Variants in TPRG1 observed in about 807,000 individuals in gnomAD.
TPRG1 encodes the protein tumor protein p63-regulated gene 1 protein.
A neutral mutation model predicts 29.3 loss-of-function variants in TPRG1; 29 were observed. The ratio of observed to expected loss-of-function variants is 0.99; its 90% CI spans 0.74 to 1.35. TPRG1 has a LOEUF of 1.35. Ranked by LOEUF, TPRG1 falls within the 40% of genes most tolerant of loss-of-function variation. The pLI is 0.00. For missense variants in TPRG1, 327 were observed against 335.0 expected (o/e 0.98, Z 0.19); for synonymous variants, 130 against 116.8 (o/e 1.11, Z -0.73).
At chr3:189,276,653 T>C (rs570215745) in intron 4 of TPRG1, among the ~76,000 whole-genome samples, 1 of 152,298 alleles carries the variant, frequency 6.6e-6, no homozygotes, top group Admixed American at 6.5e-5. Flanking sequence ...TAATAGATCA[T>C]GTGTATTAAT....
chr3:189,208,971 T>G (rs1734840969), intron 2 of TPRG1, among the ~76,000 whole-genome samples: 1 of 152,102 alleles, frequency 6.6e-6, no homozygotes, highest in Non-Finnish European at 1.5e-5. Context: ...TTGGCAGTTG[T>G]GAAGAGGAAA....
chr3:189,097,374 A>C (rs1718746608), upstream of TPRG1, among the ~76,000 whole-genome samples: 1 of 152,230 alleles, frequency 6.6e-6, no homozygotes, highest in Non-Finnish European at 1.5e-5. Flanking sequence ...TGAAATACCC[A>C]GGTTTAAATA....
intron 3 of TPRG1, among the ~76,000 whole-genome samples, chr3:189,135,693 T>C (rs1281077986): frequency 1.3e-5 from 2 of 152,244 alleles, no homozygotes; most frequent in East Asian, 3.8e-4. Flanking sequence ...AGGATACATT[T>C]CTCCAACTTA....
intron 5 of TPRG1, among the ~76,000 whole-genome samples, chr3:189,312,098 T>C: frequency 1.8e-5 from 1 of 56,962 alleles, no homozygotes; most frequent in African/African-American, 7.1e-5. Flanking sequence ...TCTTTCTTTG[T>C]TTCTTTGTTT....
intron 2 of TPRG1, among the ~76,000 whole-genome samples, chr3:189,129,486 C>T (rs1458482097): frequency 1.3e-5 from 2 of 152,052 alleles, no homozygotes; most frequent in Non-Finnish European, 2.9e-5. Flanking sequence ...TTGCTGTTTC[C>T]CCCTTTGTTA....
intron 2 of TPRG1, among the ~76,000 whole-genome samples, chr3:189,208,873 T>C (rs1734822917): frequency 6.6e-6 from 1 of 152,198 alleles, no homozygotes; most frequent in African/African-American, 2.4e-5. Context: ...TGCTGGGAGC[T>C]GATGCAATTA....
At chr3:189,003,535 C>G (rs1267088251) in intron 2 of TPRG1, among the ~76,000 whole-genome samples, 1 of 152,136 alleles carries the variant, frequency 6.6e-6, no homozygotes, top group Non-Finnish European at 1.5e-5. Context: ...CTTCAAAATT[C>G]TTGGAGACCT....
chr3:189,314,412 C>T (rs561576901), intron 5 of TPRG1, among the ~76,000 whole-genome samples: 12 of 152,272 alleles, frequency 7.9e-5, no homozygotes, highest in South Asian at 2.1e-4. Flanking sequence ...TTAAAGTTTA[C>T]GCTATGTCTA....
intron 4 of TPRG1, among the ~76,000 whole-genome samples, chr3:189,067,991 A>C (rs1011064205): frequency 3.3e-5 from 5 of 152,218 alleles, no homozygotes; most frequent in Non-Finnish European, 1.5e-5. Flanking sequence ...TAATAATCTG[A>C]TTAGAAAATG....
chr3:189,071,316 C>G (rs937288182), intron 4 of TPRG1, among the ~76,000 whole-genome samples: 5 of 152,128 alleles, frequency 3.3e-5, no homozygotes, highest in African/African-American at 1.2e-4. Context: ...TTTCCTTAAA[C>G]AACTTTTAGT....
intron 2 of TPRG1, among the ~76,000 whole-genome samples, chr3:189,129,843 A>G (rs888003836): frequency 1.3e-5 from 2 of 152,188 alleles, no homozygotes; most frequent in Non-Finnish European, 2.9e-5. Context: ...GAGTATGAAA[A>G]TAATTTTACT....
At chr3:189,210,255 A>G (rs1735060494) in intron 2 of TPRG1, among the ~76,000 whole-genome samples, 1 of 152,200 alleles carries the variant, frequency 6.6e-6, no homozygotes, top group Non-Finnish European at 1.5e-5. Context: ...AGAGTGCATA[A>G]CACATCTATC....
At chr3:189,119,765 GGCC>G (rs1316638296) in intron 1 of TPRG1, among the ~76,000 whole-genome samples, 7 of 152,156 alleles carry the variant, frequency 4.6e-5, no homozygotes, top group Non-Finnish European at 8.8e-5. Flanking sequence ...AGTTTCCTGA[GGCC>G]TCCCCAGCCA....
chr3:189,115,831 T>C (rs1721098852), intron 1 of TPRG1, among the ~76,000 whole-genome samples: 3 of 152,222 alleles, frequency 2.0e-5, no homozygotes, highest in Admixed American at 2.0e-4. Flanking sequence ...TCTTTTTCTC[T>C]GTGAGACTTC....
At chr3:189,310,653 A>G in intron 5 of TPRG1, 114 bp downstream of exon 5, 1 of 506,850 alleles carries the variant, frequency 2.0e-6, no homozygotes. Context: ...ATAAAATAAA[A>G]TAAAATAAAA....
At chr3:189,212,816 C>T (rs1004336810) in intron 2 of TPRG1, among the ~76,000 whole-genome samples, 2 of 152,108 alleles carry the variant, frequency 1.3e-5, no homozygotes, top group Non-Finnish European at 2.9e-5. Flanking sequence ...CTCATTACAT[C>T]GAGAAAAATT....
chr3:189,272,323 A>G (rs899506542), intron 4 of TPRG1, among the ~76,000 whole-genome samples: 2 of 152,166 alleles, frequency 1.3e-5, no homozygotes, highest in African/African-American at 2.4e-5. Flanking sequence ...CCTTGTAATC[A>G]GCAGAATTTT....
chr3:189,287,404 T>C (rs569430543), intron 4 of TPRG1, among the ~76,000 whole-genome samples: 82 of 151,094 alleles, frequency 5.4e-4, no homozygotes, highest in East Asian at 3.1e-3. Flanking sequence ...TTCTTTCTTT[T>C]TTTTTTTTTT....
intron 4 of TPRG1, among the ~76,000 whole-genome samples, chr3:189,149,562 GT>G (rs1401666778): frequency 6.6e-6 from 1 of 152,222 alleles, no homozygotes; most frequent in Non-Finnish European, 1.5e-5. Context: ...GGCAAAGACT[GT>G]TTTGTTTCAG....
Sources: allele counts gnomAD v4.1 joint callset (sites outside exome capture counted in the v4.1 genomes callset), GRCh38; gene constraint gnomAD v4.1.1; transcripts MANE v1.5; gene names NCBI Gene and HGNC (gene_info 2026-07-23, HGNC 2026-07-21).